SHROOM3: variants seen among roughly 807,000 people sequenced by gnomAD.
The protein encoded by SHROOM3 is protein Shroom3.
In SHROOM3, 47 loss-of-function variants were observed where a neutral mutation model predicts 138.6. The observed-to-expected ratio is 0.34, with a 90% CI of 0.27 to 0.43. The LOEUF is 0.43. Among genes scored for constraint, SHROOM3 ranks in the 20% least tolerant of loss-of-function variants. The pLI is 1.00. For synonymous variants in SHROOM3, 1,062 were observed against 1,063.3 expected (o/e 1.00, Z 0.02); for missense variants, 2,491 against 2,596.5 (o/e 0.96, Z 0.88).
chr4:76,545,980 C>A (rs1225592695), intron 1 of SHROOM3, among the ~76,000 whole-genome samples: 1 of 152,190 alleles, frequency 6.6e-6, no homozygotes, highest in Non-Finnish European at 1.5e-5. Flanking sequence ...GAATAGCATA[C>A]CTCCTATCTA....
At chr4:76,592,200 G>A (rs190420673) in intron 2 of SHROOM3, among the ~76,000 whole-genome samples, 3 of 152,306 alleles carry the variant, frequency 2.0e-5, no homozygotes, top group East Asian at 1.9e-4. Context: ...TGGGGCAAAC[G>A]TGTTTGGGAA....
chr4:76,539,572 T>C (rs1221658084), intron 1 of SHROOM3, among the ~76,000 whole-genome samples: 1 of 152,222 alleles, frequency 6.6e-6, no homozygotes, highest in Admixed American at 6.5e-5. Context: ...TTATTAAATA[T>C]CATTTTTCTA....
chr4:76,513,775 G>T (rs531643851), intron 1 of SHROOM3, among the ~76,000 whole-genome samples: 1 of 152,314 alleles, frequency 6.6e-6, no homozygotes, highest in African/African-American at 2.4e-5. Flanking sequence ...TAGCTGGCAG[G>T]CACTGAGAAA....
chr4:76,619,023 T>C (rs913378453), intron 2 of SHROOM3, among the ~76,000 whole-genome samples: 2 of 152,148 alleles, frequency 1.3e-5, no homozygotes, highest in African/African-American at 4.8e-5. Flanking sequence ...AATTTTTGTA[T>C]TTTTAGTAGA....
intron 2 of SHROOM3, among the ~76,000 whole-genome samples, chr4:76,596,156 GC>G (rs1734379275): frequency 1.3e-5 from 2 of 152,178 alleles, no homozygotes; most frequent in Non-Finnish European, 2.9e-5. Flanking sequence ...TGATAATGGA[GC>G]ATACACAGAA....
At chr4:76,552,123 A>G (rs1312144154) in intron 1 of SHROOM3, among the ~76,000 whole-genome samples, 1 of 150,926 alleles carries the variant, frequency 6.6e-6, no homozygotes, top group Non-Finnish European at 1.5e-5. Context: ...GGCCCCCCTA[A>G]ATTGCTGGGA....
rs1339556977 is a variant in SHROOM3, at chr4:76,756,692, A to G, written c.4953A>G (p.Leu1651=). 1 of 1,614,172 alleles carries G rather than the reference A, an allele frequency of 6.2e-7. No individual in the cohort carries two copies. Among genetic ancestry groups the G allele is most frequent in the South Asian group, 1.1e-5 (1 of 91,080 alleles). The change falls in exon 8 of 11, where the codon TTA becomes TTG. Residue 1651 remains leucine (L), a synonymous_variant. Coordinates refer to ENST00000296043, the MANE Select transcript of SHROOM3 (RefSeq NM_020859.4). ...ATCCAGTCAGTGGAACTCAGGGTTTAGAAAAGAAAGTCAGTCCTGATCCTC... is the reference window on the plus strand; with the variant it reads ...ATCCAGTCAGTGGAACTCAGGGTTTGGAAAAGAAAGTCAGTCCTGATCCTC... The part of the protein sequence containing the change: ...SHDPVSGTQG[L]EKKVSPDPQK...
At chr4:76,714,480 G>T (rs1260426320) in intron 3 of SHROOM3, among the ~76,000 whole-genome samples, 1 of 152,092 alleles carries the variant, frequency 6.6e-6, no homozygotes, top group African/African-American at 2.4e-5. Context: ...CTCATATAAG[G>T]GTTACATGAT....
intron 1 of SHROOM3, among the ~76,000 whole-genome samples, chr4:76,520,382 A>G (rs915068489): frequency 6.6e-6 from 1 of 152,136 alleles, no homozygotes; most frequent in Non-Finnish European, 1.5e-5. Flanking sequence ...ATAACAATTA[A>G]CAATAATTGG....
Position 76,514,780 on chromosome 4 carries a change from C to T in SHROOM3, c.169-40829C>T, listed in dbSNP as rs17298471. Among the ~76,000 whole-genome samples, 1,327 of 151,998 alleles carry T rather than the reference C, an allele frequency of 8.7e-3. 16 individuals are homozygous for T. Among genetic ancestry groups the T allele is most frequent in the African/African-American group, 0.03 (1,259 of 41,404 alleles). ...AAAAATGAAGTATAGGGAAGGAGAACAAGACAACGAGGAAAGATGGAAGAG... is the reference window on the plus strand; with the variant it reads ...AAAAATGAAGTATAGGGAAGGAGAATAAGACAACGAGGAAAGATGGAAGAG... On this transcript the variant is annotated intron_variant, in intron 1 of 10. Transcript: ENST00000296043.
At chr4:76,505,814 C>A (rs546265580) in intron 1 of SHROOM3, among the ~76,000 whole-genome samples, 2 of 151,954 alleles carry the variant, frequency 1.3e-5, no homozygotes, top group East Asian at 3.9e-4. Context: ...TGCTACTATG[C>A]CTGGCTAATT....
chr4:76,708,523 G>C (rs1415770546), intron 2 of SHROOM3, among the ~76,000 whole-genome samples: 1 of 152,194 alleles, frequency 6.6e-6, no homozygotes, highest in Non-Finnish European at 1.5e-5. Context: ...GGGTCTAAAG[G>C]GGTCCTGAAA....
At chr4:76,514,709 AT>A in intron 1 of SHROOM3, among the ~76,000 whole-genome samples, 1 of 152,362 alleles carries the variant, frequency 6.6e-6, no homozygotes, top group East Asian at 1.9e-4. Context: ...GTGAAACTTT[AT>A]TCAATAAATA....
chr4:76,453,313 C>G (rs182527672), intron 1 of SHROOM3, among the ~76,000 whole-genome samples: 4 of 151,536 alleles, frequency 2.6e-5, no homozygotes, highest in African/African-American at 9.7e-5. Flanking sequence ...GGGTCTTGCT[C>G]CATTGTCCAG....
intron 2 of SHROOM3, among the ~76,000 whole-genome samples, chr4:76,674,266 T>C (rs902005391): frequency 4.6e-5 from 7 of 152,210 alleles, no homozygotes; most frequent in Admixed American, 3.9e-4. Context: ...GTCAAAATTT[T>C]AAAGTATTTT....
At chr4:76,504,993 T>C (rs887984144) in intron 1 of SHROOM3, among the ~76,000 whole-genome samples, 1 of 152,236 alleles carries the variant, frequency 6.6e-6, no homozygotes, top group Admixed American at 6.5e-5. Flanking sequence ...ATTTAAGCAG[T>C]TTGATTCTCT....
intron 1 of SHROOM3, among the ~76,000 whole-genome samples, chr4:76,457,802 T>C (rs922745168): frequency 1.1e-4 from 16 of 150,700 alleles, no homozygotes; most frequent in African/African-American, 2.4e-4. Context: ...TCTTTTCTTT[T>C]TTTTTTTTTT....
intron 9 of SHROOM3, among the ~76,000 whole-genome samples, chr4:76,767,586 A>G (rs1722206624): frequency 6.6e-6 from 1 of 152,160 alleles, no homozygotes; most frequent in South Asian, 2.1e-4. Context: ...CTGAGGCAGG[A>G]GAATCACTTG....
intron 2 of SHROOM3, 118 bp downstream of exon 2, chr4:76,555,881 A>G: frequency 9.1e-7 from 1 of 1,098,342 alleles, no homozygotes; most frequent in Non-Finnish European, 1.3e-6. Flanking sequence ...ACCTCCATGT[A>G]TGGATCCTGC....
Sources: allele counts gnomAD v4.1 joint callset (sites outside exome capture counted in the v4.1 genomes callset), GRCh38; gene constraint gnomAD v4.1.1; transcripts MANE v1.5; gene names NCBI Gene and HGNC (gene_info 2026-07-23, HGNC 2026-07-21).